Variants in RALGAPA2 observed in about 807,000 individuals in gnomAD.
RALGAPA2 encodes Ral GTPase activating protein catalytic subunit alpha 2.
A neutral mutation model predicts 230.4 loss-of-function variants in RALGAPA2; 139 were observed. The ratio of observed to expected loss-of-function variants is 0.60; its 90% CI spans 0.53 to 0.69. RALGAPA2 has a LOEUF of 0.69. Among genes scored for constraint, RALGAPA2 ranks in the 30% least tolerant of loss-of-function variants. RALGAPA2 has a pLI of 0.00. For missense variants in RALGAPA2, 2,163 were observed against 2,276.0 expected, an observed-to-expected ratio of 0.95 and a Z score of 1.01; for synonymous variants, 847 against 837.8, an observed-to-expected ratio of 1.01 and a Z score of -0.19.
At chr20:20,676,344 A>AC (rs1213192066) in intron 2 of RALGAPA2, 56 bp from the exon 3 acceptor site, 5 of 1,210,164 alleles carry the variant, frequency 4.1e-6, no homozygotes, top group Non-Finnish European at 5.9e-6. Context: ...TCAGGACACT[A>AC]CAAATTATGC....
chr20:20,402,542 A>G (rs1364050714), intron 38 of RALGAPA2, among the ~76,000 whole-genome samples: 1 of 152,204 alleles, frequency 6.6e-6, no homozygotes, highest in African/African-American at 2.4e-5. Context: ...TGTCTGGGCA[A>G]TCCAGGACAG....
At chr20:20,584,333 T>C (rs2065071717) in intron 19 of RALGAPA2, among the ~76,000 whole-genome samples, 2 of 152,192 alleles carry the variant, frequency 1.3e-5, no homozygotes, top group Admixed American at 6.5e-5. Flanking sequence ...CCGGTCTATC[T>C]GCTCACTCAT....
In RALGAPA2 at chr20:20,712,504, C is replaced by CG. The variant is rs2069930497; in HGVS notation, c.-25dup. The CG allele has an allele frequency of 6.5e-7, 1 of 1,539,550 alleles. No individual in the cohort carries two copies. The highest frequency in any genetic ancestry group is 1.4e-5 in the African/African-American group (1 of 71,458). On this transcript the variant is annotated 5_prime_UTR_variant, in exon 1 of 40. Coordinates refer to ENST00000202677, the MANE Select transcript of RALGAPA2 (RefSeq NM_020343.4). The surrounding 1 kb of genome is among the most constrained non-coding windows in gnomAD (Gnocchi z 5.5). Reference sequence around the variant, plus strand: ...ATCCCGCGGCAGGAAGCCCGGGCCCCGCCGGCGGGGCAGTAGGCGCCTGCG... The same window carrying CG: ...ATCCCGCGGCAGGAAGCCCGGGCCCCGGCCGGCGGGGCAGTAGGCGCCTGCG...
chr20:20,395,164 C>T (rs2059685266), intron 39 of RALGAPA2, among the ~76,000 whole-genome samples: 1 of 152,196 alleles, frequency 6.6e-6, no homozygotes, highest in Non-Finnish European at 1.5e-5. Flanking sequence ...AGCAGGGATC[C>T]CATGGCCAGG....
chr20:20,470,848 G>A (rs555135130), intron 37 of RALGAPA2: 3 of 152,132 alleles, frequency 2.0e-5, no homozygotes, highest in African/African-American at 7.2e-5. Context: ...TCTGCAGACA[G>A]AAATTAAAAG....
In RALGAPA2 at chr20:20,409,087, CAAG is replaced by C. The variant is rs546071802; in HGVS notation, c.5617+2937_5617+2939del. Among the ~76,000 whole-genome samples the C allele has an allele frequency of 3.1e-3, 466 of 152,340 alleles. 3 individuals carry two copies. Among genetic ancestry groups the C allele is most frequent in the Middle Eastern group, 6.8e-3 (2 of 294 alleles). On this transcript the variant is annotated intron_variant, in intron 38 of 39. Coordinates refer to ENST00000202677, the MANE Select transcript of RALGAPA2 (RefSeq NM_020343.4). ...TGTGGTTGACGGCGCATCCTGAACG[CAAG>C]CCTGTTCACCTGGCCAACCCACCCC...
At chr20:20,566,497 A>G (rs1376502188) in intron 23 of RALGAPA2, among the ~76,000 whole-genome samples, 1 of 152,198 alleles carries the variant, frequency 6.6e-6, no homozygotes, top group African/African-American at 2.4e-5. Flanking sequence ...AAGAAAATGT[A>G]TATGGAGAAA....
At chr20:20,414,616 C>A (rs755007572) in intron 37 of RALGAPA2, among the ~76,000 whole-genome samples, 11 of 152,142 alleles carry the variant, frequency 7.2e-5, no homozygotes, top group Non-Finnish European at 1.5e-4. Context: ...GAGATCTGGG[C>A]ACCTTAGAGG....
chr20:20,564,974 T>TA (rs1276912774), intron 23 of RALGAPA2, among the ~76,000 whole-genome samples: 1 of 152,270 alleles, frequency 6.6e-6, no homozygotes, highest in Non-Finnish European at 1.5e-5. Context: ...GTTAGCCTTC[T>TA]AAAGGTCTAA....
intron 36 of RALGAPA2, among the ~76,000 whole-genome samples, chr20:20,486,490 A>G (rs1569437918): frequency 6.6e-6 from 1 of 152,072 alleles, no homozygotes; most frequent in African/African-American, 2.4e-5. Context: ...TTCTGCAGCT[A>G]CTGGTGCCAG....
chr20:20,425,532 C>A (rs1277589795), intron 37 of RALGAPA2, among the ~76,000 whole-genome samples: 5 of 152,102 alleles, frequency 3.3e-5, no homozygotes, highest in South Asian at 2.1e-4. Flanking sequence ...GGAAGATATT[C>A]ATCTGATACC....
intron 14 of RALGAPA2, among the ~76,000 whole-genome samples, chr20:20,610,144 A>G (rs754210499): frequency 1.3e-5 from 2 of 152,182 alleles, no homozygotes; most frequent in African/African-American, 4.8e-5. Context: ...AACCACCTTC[A>G]GGTCAACTGA....
At chr20:20,621,130 G>C (rs2066307740) in intron 10 of RALGAPA2, among the ~76,000 whole-genome samples, 1 of 146,936 alleles carries the variant, frequency 6.8e-6, no homozygotes, top group Non-Finnish European at 1.5e-5. Context: ...AACAGAGCCA[G>C]ACTCAGTCTC....
At position 20,635,427 on chromosome 20, in the gene RALGAPA2, T is replaced by A. The variant is rs1356229532; in HGVS notation, c.996A>T (p.Lys332Asn). ...ATGATGGATGGCATACCTGGATGAT[T>A]TTAGGCAATACATCAACTCCATTTT... ...NTKNGVDVLP[K>N]IIQTVGGGAV... The change falls in exon 9 of 40, where the codon AAA (lysine) becomes AAT (asparagine). Residue 332 changes from lysine (K) to asparagine (N), a missense_variant. Coordinates refer to ENST00000202677, the MANE Select transcript of RALGAPA2 (RefSeq NM_020343.4). The A allele has an allele frequency of 6.3e-7, 1 of 1,595,380 alleles. No individual in the cohort carries two copies. Among genetic ancestry groups the A allele is most frequent in the East Asian group, 2.3e-5 (1 of 44,430 alleles).
chr20:20,645,145 T>G (rs886413770), intron 4 of RALGAPA2, among the ~76,000 whole-genome samples: 1 of 145,088 alleles, frequency 6.9e-6, no homozygotes, highest in African/African-American at 2.6e-5. Flanking sequence ...GACAGAGTCT[T>G]GCTCTGTCGC....
intron 1 of RALGAPA2, among the ~76,000 whole-genome samples, chr20:20,694,589 A>G (rs1433516400): frequency 1.3e-5 from 2 of 152,192 alleles, no homozygotes; most frequent in Admixed American, 1.3e-4. Flanking sequence ...GAAACTCATG[A>G]CCTGAAGGAT....
intron 14 of RALGAPA2, among the ~76,000 whole-genome samples, chr20:20,609,089 G>A (rs756583256): frequency 2.0e-5 from 3 of 152,184 alleles, no homozygotes; most frequent in Non-Finnish European, 4.4e-5. Context: ...TCAACCTCCC[G>A]GGTTCAAGCA....
chr20:20,398,081 G>T lies in RALGAPA2; in HGVS notation c.5618-1347C>A, dbSNP rs1473552838. 2.0e-5 allele frequency among the ~76,000 whole-genome samples: 3 copies of T among 152,142 alleles called. No homozygotes were observed. Among genetic ancestry groups the T allele is most frequent in the African/African-American group, 7.2e-5 (3 of 41,426 alleles). The stretch of plus-strand genomic sequence containing the variant: ...TCCCCCCAATGTGCTGTGCTGAAGG[G>T]CCCCCATTTCCTCTCATGGAAGAGG... On this transcript the variant is annotated intron_variant, in intron 38 of 39. Coordinates refer to ENST00000202677, the MANE Select transcript of RALGAPA2 (RefSeq NM_020343.4). This position sits in a 1 kb window ranked among gnomAD's most constrained non-coding sequence, Gnocchi z 4.5.
intron 7 of RALGAPA2, 51 bp downstream of exon 7, chr20:20,639,734 T>C: frequency 1.6e-6 from 2 of 1,266,874 alleles, no homozygotes; most frequent in South Asian, 2.5e-5. Flanking sequence ...ATATTTCCTC[T>C]TCCTGCTGAG....
Sources: gnomAD v4.1 joint callset for allele counts (sites outside exome capture counted in the v4.1 genomes callset) on GRCh38, gnomAD v4.1.1 for gene constraint, Gnocchi (gnomAD v3.1) non-coding constraint, MANE v1.5 for transcripts, NCBI Gene and HGNC (gene_info 2026-07-23, HGNC 2026-07-21) for gene names.